Variants in KCNMB2 observed in about 807,000 individuals in gnomAD.
The protein encoded by KCNMB2 is potassium calcium-activated channel subfamily M regulatory beta subunit 2, also known as calcium-activated potassium channel subunit beta-2.
Under a neutral mutation model 24.5 loss-of-function variants are expected in KCNMB2, and 9 were observed. The observed-to-expected ratio is 0.37, with a 90% CI of 0.22 to 0.64. The LOEUF (loss-of-function observed/expected upper bound fraction) is 0.64, where lower values mean the gene tolerates loss of function less well. KCNMB2 is among the 30% of genes least tolerant of loss of function. The pLI is 0.63. For synonymous variants in KCNMB2, 109 were observed against 104.4 expected (o/e 1.04, Z -0.27); for missense variants, 226 against 284.3 (o/e 0.79, Z 1.47).
intron 1 of KCNMB2, among the ~76,000 whole-genome samples, chr3:178,689,337 G>C (rs1454655555): frequency 6.6e-6 from 1 of 152,018 alleles, no homozygotes; most frequent in Non-Finnish European, 1.5e-5. Flanking sequence ...CATTTGTATA[G>C]CATCTTAGAA....
rs868462359 is a variant in KCNMB2 at position 178,607,285 on chromosome 3, C to T, written c.-68+70574C>T. ...CTAGAAGAAAGATATTTTGACGGAG[C>T]CCTAAAGATTCTGAAACATGTGGAA... On this transcript the variant is annotated intron_variant, in intron 1 of 4. Transcript: ENST00000452583. Among the ~76,000 whole-genome samples the T allele has an allele frequency of 5.4e-4, 82 of 152,072 alleles. 1 individual carries two copies. The highest frequency in any genetic ancestry group is 2.2e-4 in the Non-Finnish European group (15 of 68,024).
intron 1 of KCNMB2, among the ~76,000 whole-genome samples, chr3:178,730,576 C>G (rs1723116838): frequency 6.6e-6 from 1 of 152,088 alleles, no homozygotes. Context: ...AAATCTTCTC[C>G]TACTTAAGAC....
At chr3:178,548,915 A>C (rs369000656) in intron 1 of KCNMB2, among the ~76,000 whole-genome samples, 2 of 152,216 alleles carry the variant, frequency 1.3e-5, no homozygotes, top group East Asian at 3.8e-4. Flanking sequence ...CATCTAGTGC[A>C]TGTCCTTGGG....
intron 1 of KCNMB2, among the ~76,000 whole-genome samples, chr3:178,705,037 C>T (rs1722231460): frequency 6.6e-6 from 1 of 152,074 alleles, no homozygotes; most frequent in South Asian, 2.1e-4. Flanking sequence ...CTCCTGTAAG[C>T]TCCTTTCTAG....
At chr3:178,771,819 C>T (rs986913042) in intron 1 of KCNMB2, among the ~76,000 whole-genome samples, 3 of 152,170 alleles carry the variant, frequency 2.0e-5, no homozygotes, top group South Asian at 2.1e-4. Flanking sequence ...TACCCCTGAT[C>T]TCATGGCCAG....
chr3:178,579,473 A>G (rs1307998618), intron 1 of KCNMB2, among the ~76,000 whole-genome samples: 1 of 152,186 alleles, frequency 6.6e-6, no homozygotes, highest in African/African-American at 2.4e-5. Context: ...GAGAAGCAAG[A>G]GCAAACAAAT....
intron 1 of KCNMB2, among the ~76,000 whole-genome samples, chr3:178,624,026 CA>C (rs917854386): frequency 3.3e-5 from 5 of 152,274 alleles, no homozygotes; most frequent in African/African-American, 1.2e-4. Context: ...TTCAGTGCCT[CA>C]AGTTTCATGT....
intron 1 of KCNMB2, among the ~76,000 whole-genome samples, chr3:178,671,512 C>T (rs953214943): frequency 6.6e-6 from 1 of 152,128 alleles, no homozygotes; most frequent in Non-Finnish European, 1.5e-5. Context: ...CTCATTATCT[C>T]AGCCCCCAGT....
chr3:178,736,068 C>T (rs1301980487), intron 1 of KCNMB2, among the ~76,000 whole-genome samples: 2 of 152,120 alleles, frequency 1.3e-5, no homozygotes, highest in Non-Finnish European at 2.9e-5. Context: ...AGAGGAGACA[C>T]AAGGATTGCC....
intron 1 of KCNMB2, among the ~76,000 whole-genome samples, chr3:178,769,296 A>G (rs1203600071): frequency 6.6e-6 from 1 of 152,228 alleles, no homozygotes; most frequent in Non-Finnish European, 1.5e-5. Flanking sequence ...TCACTGCTTA[A>G]TGAAAGTGTG....
At chr3:178,831,080 A>T (rs1182439669) in intron 4 of KCNMB2, among the ~76,000 whole-genome samples, 1 of 147,606 alleles carries the variant, frequency 6.8e-6, no homozygotes, top group Admixed American at 6.8e-5. Context: ...GACTGGAATT[A>T]ATTTTTATAT....
intron 1 of KCNMB2, among the ~76,000 whole-genome samples, chr3:178,639,672 C>G (rs1185225536): frequency 6.6e-6 from 1 of 152,192 alleles, no homozygotes; most frequent in Admixed American, 6.5e-5. Flanking sequence ...ATGGTCCATT[C>G]CCCTGTTGCA....
rs142043409 is a variant in KCNMB2 at position 178,797,393 on chromosome 3, T to C, written c.-67-9950T>C. On this transcript the variant is annotated intron_variant, in intron 1 of 4. Coordinates refer to ENST00000452583, the MANE Select transcript of KCNMB2 (RefSeq NM_181361.3). The stretch of plus-strand genomic sequence containing the variant: ...CTTCCAAACTCTGTCTATGAGACCA[T>C]TATTACCCAGACACAAAAACCAAAG... 3.2e-3 allele frequency among the ~76,000 whole-genome samples: 492 copies of C among 152,210 alleles called. 3 individuals carry two copies. Among genetic ancestry groups the C allele is most frequent in the African/African-American group, 0.011 (475 of 41,560 alleles).
chr3:178,761,591 A>C (rs1024697889), intron 1 of KCNMB2, among the ~76,000 whole-genome samples: 1 of 152,174 alleles, frequency 6.6e-6, no homozygotes, highest in Non-Finnish European at 1.5e-5. Flanking sequence ...ATATAGATCA[A>C]CTGTGCCACT....
intron 1 of KCNMB2, among the ~76,000 whole-genome samples, chr3:178,789,869 C>T (rs1272123165): frequency 3.3e-5 from 5 of 152,080 alleles, no homozygotes; most frequent in Non-Finnish European, 5.9e-5. Flanking sequence ...TGATGCTGTG[C>T]TGGGCTTATA....
In KCNMB2 at chr3:178,550,383, G is replaced by A. The variant is rs9290652; in HGVS notation, c.-68+13672G>A. 5.2e-3 allele frequency among the ~76,000 whole-genome samples: 784 copies of A among 150,352 alleles called. 6 individuals are homozygous for A. Among genetic ancestry groups the A allele is most frequent in the African/African-American group, 0.018 (737 of 40,756 alleles). ...TGAGGCAGGAGAATGGCATGAACCC[G>A]GGAGGCAGAACTTGCAGTGAGCCAA... On this transcript the variant is annotated intron_variant, in intron 1 of 4. Coordinates refer to ENST00000452583, the MANE Select transcript of KCNMB2 (RefSeq NM_181361.3).
chr3:178,586,549 T>TTTA lies in KCNMB2; in HGVS notation c.-68+49840_-68+49841insATT, dbSNP rs1717444055. On this transcript the variant is annotated intron_variant, in intron 1 of 4. Coordinates refer to ENST00000452583, the MANE Select transcript of KCNMB2 (RefSeq NM_181361.3). ...TTTTTTTTTTCTTTCTTTTTTTTTT[T>TTTA]TTTTTTTTTTTTTTGAGACAGCGTC... Among the ~76,000 whole-genome samples, 4 of 123,544 alleles carry TTTA rather than the reference T, an allele frequency of 3.2e-5. No individual in the cohort carries two copies. In the South Asian group the frequency reaches 1.2e-3, roughly 36 times the overall value. 81.0% of individuals were successfully genotyped at this position (123,544 alleles called of 152,430 possible). A position where few individuals can be genotyped will look rare whatever the true frequency, so the allele number is the denominator to read the frequency against.
intron 2 of KCNMB2, among the ~76,000 whole-genome samples, chr3:178,817,205 C>T (rs1714436227): frequency 9.7e-6 from 1 of 103,526 alleles, no homozygotes; most frequent in Non-Finnish European, 1.9e-5. Context: ...CAAAATCCTT[C>T]ATGTTAATGA....
At chr3:178,753,443 G>A (rs756794997) in intron 1 of KCNMB2, among the ~76,000 whole-genome samples, 31 of 152,194 alleles carry the variant, frequency 2.0e-4, no homozygotes, top group African/African-American at 2.6e-4. Context: ...AATAACAATC[G>A]TATTGGAAAA....
Sources: gnomAD v4.1 joint callset for allele counts (sites outside exome capture counted in the v4.1 genomes callset) on GRCh38, gnomAD v4.1.1 for gene constraint, MANE v1.5 for transcripts, NCBI Gene and HGNC (gene_info 2026-07-23, HGNC 2026-07-21) for gene names.